RARB: variants seen among roughly 807,000 people sequenced by gnomAD.
The protein encoded by RARB is HBV-activated protein.
Under a neutral mutation model 51.9 loss-of-function variants are expected in RARB, and 17 were observed. The ratio of observed to expected loss-of-function variants is 0.33; its 90% CI spans 0.22 to 0.49. The LOEUF (loss-of-function observed/expected upper bound fraction) is 0.49. Ranked by LOEUF, RARB falls within the 20% of genes least tolerant of loss-of-function variation. The pLI is 0.99. For synonymous variants in RARB, 215 were observed against 195.4 expected (o/e 1.10, Z -0.84); for missense variants, 369 against 550.8 (o/e 0.67, Z 3.30).
intron 3 of RARB, among the ~76,000 whole-genome samples, chr3:25,074,318 G>A (rs989494592): frequency 2.0e-5 from 3 of 152,152 alleles, no homozygotes; most frequent in Non-Finnish European, 1.5e-5. Flanking sequence ...GCTAAAAATA[G>A]CATCTGCTTC....
intron 3 of RARB, among the ~76,000 whole-genome samples, chr3:25,502,793 C>T (rs1320456292): frequency 6.6e-6 from 1 of 152,114 alleles, no homozygotes; most frequent in Non-Finnish European, 1.5e-5. Context: ...TCCTCCAATC[C>T]CCAGGGAAGT....
intron 3 of RARB, among the ~76,000 whole-genome samples, chr3:25,117,960 C>A (rs1699718823): frequency 6.6e-6 from 1 of 152,242 alleles, no homozygotes; most frequent in East Asian, 1.9e-4. Flanking sequence ...GTAGAACCAG[C>A]ACATCACTGA....
At chr3:25,592,500 C>T (rs73051946) in intron 5 of RARB, among the ~76,000 whole-genome samples, 98 of 152,268 alleles carry the variant, frequency 6.4e-4, no homozygotes, top group Non-Finnish European at 1.2e-3. Context: ...CTGCAATGCA[C>T]GGAGCTCCTT....
chr3:24,860,829 TAA>T (rs138550023), intron 2 of RARB, among the ~76,000 whole-genome samples: 212 of 152,300 alleles, frequency 1.4e-3, no homozygotes, highest in African/African-American at 5.0e-3. Flanking sequence ...AGTCACTTTC[TAA>T]AAAGAGGAAT....
At chr3:25,031,991 AGTTTGCCTTT>A (rs1697886368) in intron 2 of RARB, among the ~76,000 whole-genome samples, 1 of 152,164 alleles carries the variant, frequency 6.6e-6, no homozygotes, top group Admixed American at 6.5e-5. Context: ...TTCCTCAGAG[AGTTTGCCTTT>A]ATTAAAGCCA....
intron 5 of RARB, among the ~76,000 whole-genome samples, chr3:25,187,555 G>C (rs1247328019): frequency 6.6e-6 from 1 of 151,858 alleles, no homozygotes. Context: ...ACAGGAGAAA[G>C]GGAAAGTTTT....
intron 2 of RARB, among the ~76,000 whole-genome samples, chr3:24,995,493 T>G (rs1244118901): frequency 3.9e-5 from 6 of 152,080 alleles, no homozygotes; most frequent in African/African-American, 1.4e-4. Flanking sequence ...AGCTAGGACT[T>G]CCCGTACTGT....
At chr3:24,829,686 G>C (rs1702254645) in intron 1 of RARB, among the ~76,000 whole-genome samples, 1 of 152,210 alleles carries the variant, frequency 6.6e-6, no homozygotes, top group South Asian at 2.1e-4. Context: ...TATTGTCTTA[G>C]CGCCTGTCTG....
intron 2 of RARB, among the ~76,000 whole-genome samples, chr3:25,035,460 C>G (rs1009657039): frequency 4.4e-5 from 6 of 137,066 alleles, no homozygotes; most frequent in Non-Finnish European, 9.1e-5. Flanking sequence ...CTCAAGGTAG[C>G]TATTCCATCA....
At chr3:25,068,495 T>TA (rs1245723642) in intron 3 of RARB, among the ~76,000 whole-genome samples, 2 of 152,100 alleles carry the variant, frequency 1.3e-5, no homozygotes, top group African/African-American at 4.8e-5. Context: ...ATAAATTAAA[T>TA]AAAAAGACTT....
chr3:24,862,853 A>G (rs73152471), intron 2 of RARB, among the ~76,000 whole-genome samples: 2,060 of 152,252 alleles, frequency 0.014, 26 homozygotes, highest in African/African-American at 0.047. Flanking sequence ...ATAATCAACT[A>G]AATTTATAGA....
chr3:25,537,831 C>G (rs1699206787), intron 3 of RARB, among the ~76,000 whole-genome samples: 1 of 152,194 alleles, frequency 6.6e-6, no homozygotes, highest in African/African-American at 2.4e-5. Flanking sequence ...CAACCTGTAT[C>G]TCCTACCTCT....
At chr3:25,254,795 T>C (rs1421374167) in intron 5 of RARB, among the ~76,000 whole-genome samples, 1 of 152,048 alleles carries the variant, frequency 6.6e-6, no homozygotes, top group Non-Finnish European at 1.5e-5. Context: ...AGTGTGATGA[T>C]ATTTGGACGG....
At chr3:24,844,095 T>G (rs2125331787) in intron 1 of RARB, among the ~76,000 whole-genome samples, 1 of 152,272 alleles carries the variant, frequency 6.6e-6, no homozygotes, top group Admixed American at 6.5e-5. Context: ...CTCCCATCTG[T>G]TCTGCAGATG....
At chr3:24,884,434 C>T (rs542246409) in intron 2 of RARB, among the ~76,000 whole-genome samples, 1 of 152,118 alleles carries the variant, frequency 6.6e-6, no homozygotes, top group African/African-American at 2.4e-5. Context: ...GGTGGAAATA[C>T]TGAGGGCACA....
At chr3:25,447,770 G>T (rs1709011932) in intron 1 of RARB, among the ~76,000 whole-genome samples, 1 of 152,090 alleles carries the variant, frequency 6.6e-6, no homozygotes, top group Admixed American at 6.5e-5. Flanking sequence ...AAGGACAGCT[G>T]AGAGAGGGAA....
In RARB at chr3:25,461,225, C is replaced by G. The variant is rs749650382; in HGVS notation, c.190C>G (p.Leu64Val). Residue 64 changes from leucine (L) to valine (V), a missense_variant, in exon 2 of 8, where the codon CTC becomes GTC. Around this residue, in one of 9 missense-constraint regions of RARB, gnomAD observed 99 missense variants for 95.1 expected, o/e 1.04. Coordinates refer to ENST00000330688, the MANE Select transcript of RARB (RefSeq NM_000965.5). ...IETQSTSSEE[L>V]VPSPPSPLPP... is the part of the protein sequence containing the mutation. ...AACACAGAGCACCAGCTCTGAGGAA[C>G]TCGTCCCAAGCCCCCCATCTCCACT... is the stretch of plus-strand genomic sequence containing the variant. The G allele has an allele frequency of 1.2e-6, 2 of 1,613,852 alleles. No homozygotes were observed. The highest frequency in any genetic ancestry group is 1.1e-5 in the South Asian group (1 of 90,984).
At chr3:25,127,218 C>T (rs1699874783) in intron 3 of RARB, among the ~76,000 whole-genome samples, 1 of 152,190 alleles carries the variant, frequency 6.6e-6, no homozygotes, top group Non-Finnish European at 1.5e-5. Context: ...AAGCCAGACC[C>T]ATGACTGTGG....
At chr3:24,853,050 C>T (rs1222617056) in intron 1 of RARB, among the ~76,000 whole-genome samples, 2 of 151,922 alleles carry the variant, frequency 1.3e-5, no homozygotes, top group Non-Finnish European at 2.9e-5. Flanking sequence ...CACGGTGGCT[C>T]ACGCCTGTAA....
Sources: gnomAD v4.1 joint callset for allele counts (sites outside exome capture counted in the v4.1 genomes callset) on GRCh38, gnomAD v4.1.1 for gene constraint, gnomAD v4.1.1 regional missense constraint, MANE v1.5 for transcripts, NCBI Gene and HGNC (gene_info 2026-07-23, HGNC 2026-07-21) for gene names.